Variants in EGF observed in about 807,000 individuals in gnomAD.
EGF encodes the protein epidermal growth factor, also known as pro-epidermal growth factor.
In EGF, 95 loss-of-function variants were observed where a neutral mutation model predicts 143.8. The ratio of observed to expected loss-of-function variants is 0.66; its 90% CI spans 0.56 to 0.78. The LOEUF (loss-of-function observed/expected upper bound fraction) is 0.78. Among genes scored for constraint, EGF ranks in the 30% least tolerant of loss-of-function variants. The probability of loss-of-function intolerance (pLI) is 0.00; values close to 1 mark genes in which losing one functional copy is unlikely to be tolerated. For missense variants in EGF, 1,320 were observed against 1,470.9 expected (o/e 0.90, Z 1.68); for synonymous variants, 510 against 510.5 (o/e 1.00, Z 0.01).
In EGF at chr4:110,011,344, G is replaced by A; in HGVS notation, c.3513G>A (p.Gly1171=). The change falls in exon 24 of 24, where the codon GGG becomes GGA. Residue 1171 remains glycine (G), a synonymous_variant. Transcript: ENST00000265171. The part of the protein sequence containing the change: ...MERSFHMPSY[G]TQTLEGGVEK... ...GAAGCTTTCATATGCCCTCCTATGGGACACAGACCCTTGAAGGGGGTGTCG... is the reference window on the plus strand; with the variant it reads ...GAAGCTTTCATATGCCCTCCTATGGAACACAGACCCTTGAAGGGGGTGTCG... The A allele has an allele frequency of 6.2e-7, 1 of 1,614,114 alleles. No individual in the cohort carries two copies. Among genetic ancestry groups the A allele is most frequent in the African/African-American group, 1.3e-5 (1 of 75,018 alleles).
In EGF at chr4:109,972,131, T is replaced by G. The variant is rs542725523; in HGVS notation, c.1725-2572T>G. On this transcript the variant is annotated intron_variant, in intron 11 of 23. Coordinates refer to ENST00000265171, the MANE Select transcript of EGF (RefSeq NM_001963.6). The stretch of plus-strand genomic sequence containing the variant: ...GAGTTTTTCTCTTGGAGGATCTCAG[T>G]GACACTGGGACAATTAGATAATGGT... Among the ~76,000 whole-genome samples the G allele has an allele frequency of 2.6e-5, 4 of 152,204 alleles. No homozygotes were observed. The South Asian group carries it at 8.3e-4, about 32-fold the overall frequency.
At chr4:110,002,777 A>C (rs978208190) in intron 21 of EGF, among the ~76,000 whole-genome samples, 1 of 152,046 alleles carries the variant, frequency 6.6e-6, no homozygotes, top group Non-Finnish European at 1.5e-5. Context: ...TAAGCCCAGT[A>C]CCCAACGGTT....
At chr4:109,967,380 A>G (rs1015282716) in intron 10 of EGF, among the ~76,000 whole-genome samples, 2 of 152,144 alleles carry the variant, frequency 1.3e-5, no homozygotes, top group Non-Finnish European at 2.9e-5. Flanking sequence ...TGGGTTCTCT[A>G]TTCCATTCCA....
At chr4:109,986,456 C>T (rs989591864) in intron 16 of EGF, among the ~76,000 whole-genome samples, 1 of 152,188 alleles carries the variant, frequency 6.6e-6, no homozygotes, top group Non-Finnish European at 1.5e-5. Flanking sequence ...TGAAAGGCAT[C>T]TGCTCCCACA....
At chr4:109,990,660 C>T (rs903430883) in intron 18 of EGF, among the ~76,000 whole-genome samples, 34 of 152,124 alleles carry the variant, frequency 2.2e-4, no homozygotes, top group African/African-American at 6.3e-4. Context: ...TCTGGAGGCT[C>T]GAAGTCCTAG....
At chr4:110,003,541 C>G (rs532852201) in intron 21 of EGF, among the ~76,000 whole-genome samples, 2 of 152,128 alleles carry the variant, frequency 1.3e-5, no homozygotes, top group Admixed American at 6.5e-5. Flanking sequence ...CTTCCTGGAA[C>G]GTCCAGGTAG....
chr4:109,958,810 T>C (rs1745200120), intron 5 of EGF, among the ~76,000 whole-genome samples: 1 of 149,748 alleles, frequency 6.7e-6, no homozygotes, highest in Non-Finnish European at 1.5e-5. Flanking sequence ...CCCAGCTACT[T>C]AGGAGGCCAA....
rs770656149 is a variant in EGF, at chr4:109,983,465, C to A, written c.2415C>A (p.Ile805=). Residue 805 remains isoleucine, a synonymous_variant, in exon 16 of 24, where the codon ATC becomes ATA. Coordinates refer to ENST00000265171, the MANE Select transcript of EGF (RefSeq NM_001963.6). ...AGAACCAAGTAACACCATTGGACATCTTGTCCAAGACTAGAGTGTCAGAAG... is the reference window on the plus strand; with the variant it reads ...AGAACCAAGTAACACCATTGGACATATTGTCCAAGACTAGAGTGTCAGAAG... ...DLKNQVTPLD[I]LSKTRVSEDN... 1 of 1,613,350 alleles carries A rather than the reference C, an allele frequency of 6.2e-7. No individual in the cohort carries two copies. Among genetic ancestry groups the A allele is most frequent in the Non-Finnish European group, 8.5e-7 (1 of 1,179,442 alleles).
intron 21 of EGF, chr4:110,002,030 A>T: frequency 1.0e-6 from 1 of 985,468 alleles, no homozygotes; most frequent in Non-Finnish European, 1.2e-6. Flanking sequence ...TTGCCATGTC[A>T]TACTCAACTG....
At chr4:109,968,898 G>A (rs1346357306) in intron 10 of EGF, 73 bp from the exon 11 acceptor site, 1 of 1,601,672 alleles carries the variant, frequency 6.2e-7, no homozygotes, top group Non-Finnish European at 8.5e-7. Flanking sequence ...ACAACCTAAA[G>A]ACTAGTGCCA....
intron 8 of EGF, among the ~76,000 whole-genome samples, chr4:109,962,926 G>A (rs1464397390): frequency 9.2e-5 from 14 of 151,948 alleles, no homozygotes. Flanking sequence ...AATCAACCAG[G>A]CATGGTGGCG....
At chr4:110,009,793 T>C (rs561356175) in intron 23 of EGF, among the ~76,000 whole-genome samples, 7 of 152,330 alleles carry the variant, frequency 4.6e-5, no homozygotes, top group Non-Finnish European at 8.8e-5. Context: ...TCTCTGCTCC[T>C]GGAAAACTCA....
intron 4 of EGF, among the ~76,000 whole-genome samples, chr4:109,944,849 A>G (rs1742565608): frequency 6.6e-6 from 1 of 152,242 alleles, no homozygotes; most frequent in East Asian, 1.9e-4. Flanking sequence ...GACTAAAAGA[A>G]GAATGAGACA....
chr4:109,951,966 T>G (rs1560680048), intron 5 of EGF, among the ~76,000 whole-genome samples: 1 of 152,228 alleles, frequency 6.6e-6, no homozygotes, highest in Non-Finnish European at 1.5e-5. Context: ...CTTTAATGTT[T>G]TTTTTCAATT....
intron 4 of EGF, among the ~76,000 whole-genome samples, chr4:109,944,480 TAGATGAG>T (rs1742514391): frequency 6.6e-6 from 1 of 152,248 alleles, no homozygotes; most frequent in Non-Finnish European, 1.5e-5. Context: ...TACCGTCTGT[TAGATGAG>T]TGACTTTGAG....
intron 1 of EGF, among the ~76,000 whole-genome samples, chr4:109,935,483 A>G (rs143795574): frequency 0.031 from 4,742 of 152,274 alleles, 283 homozygotes; most frequent in East Asian, 0.23. Flanking sequence ...TAGGTATACA[A>G]TCATGTCATC....
chr4:109,980,283 T>A, intron 14 of EGF, 144 bp downstream of exon 14: 2 of 873,464 alleles, frequency 2.3e-6, no homozygotes, highest in Non-Finnish European at 3.3e-6. Context: ...TTCTAAGATT[T>A]AAGTTTGTTT....
At chr4:109,996,403 A>G (rs562744401) in intron 20 of EGF, among the ~76,000 whole-genome samples, 1 of 152,354 alleles carries the variant, frequency 6.6e-6, no homozygotes, top group South Asian at 2.1e-4. Flanking sequence ...CTTGAACCTA[A>G]AGCAATATTT....
At chr4:109,965,220 T>TATTACCCAATATTAA (rs1197955821) in intron 10 of EGF, among the ~76,000 whole-genome samples, 1 of 152,130 alleles carries the variant, frequency 6.6e-6, no homozygotes, top group Non-Finnish European at 1.5e-5. Context: ...AATGATACAT[T>TATTACCCAATATTAA]TATATAGTTA....
Sources: gnomAD v4.1 joint callset for allele counts (sites outside exome capture counted in the v4.1 genomes callset) on GRCh38, gnomAD v4.1.1 for gene constraint, MANE v1.5 for transcripts, NCBI Gene and HGNC (gene_info 2026-07-23, HGNC 2026-07-21) for gene names.